CDIN1: variants seen among roughly 807,000 people sequenced by gnomAD.
CDIN1 encodes the protein CDAN1-interacting nuclease 1.
CDIN1 carries 33 observed loss-of-function variants against 45.3 expected under a neutral mutation model. That is an observed-to-expected ratio of 0.73 (90% CI 0.55 to 0.97). CDIN1 has a LOEUF of 0.97. CDIN1 is among the 50% of genes least tolerant of loss of function. CDIN1 has a pLI of 0.00. For missense variants in CDIN1, 303 were observed against 339.4 expected, an observed-to-expected ratio of 0.89 and a Z score of 0.84; for synonymous variants, 118 against 124.4, an observed-to-expected ratio of 0.95 and a Z score of 0.34.
chr15:36,722,486 C>T (rs2043460482), intron 10 of CDIN1, among the ~76,000 whole-genome samples: 2 of 152,144 alleles, frequency 1.3e-5, no homozygotes, highest in Non-Finnish European at 2.9e-5. Flanking sequence ...TGTTAGAAAG[C>T]AGCTTTCTTT....
At chr15:36,661,642 G>T (rs1010414369) in intron 5 of CDIN1, among the ~76,000 whole-genome samples, 2 of 152,082 alleles carry the variant, frequency 1.3e-5, no homozygotes, top group Non-Finnish European at 2.9e-5. Flanking sequence ...ACTTTTACAA[G>T]AATGCTAGTG....
intron 1 of CDIN1, among the ~76,000 whole-genome samples, chr15:36,640,045 C>T (rs895583118): frequency 5.3e-5 from 8 of 152,108 alleles, no homozygotes; most frequent in Non-Finnish European, 1.0e-4. Flanking sequence ...ACAGATTTTT[C>T]CCTTTTCCCC....
chr15:36,615,889 G>A (rs377628823), intron 1 of CDIN1, among the ~76,000 whole-genome samples: 1 of 152,192 alleles, frequency 6.6e-6, no homozygotes, highest in African/African-American at 2.4e-5. Flanking sequence ...CAGGTTTGAT[G>A]TAGTCATTTT....
intron 3 of CDIN1, 27 bp downstream of exon 3, chr15:36,645,314 G>A: frequency 6.7e-7 from 1 of 1,483,262 alleles, no homozygotes; most frequent in Non-Finnish European, 9.2e-7. Context: ...CCACTAGAGG[G>A]TATCATAGTA....
chr15:36,606,089 C>T (rs1038336770), intron 1 of CDIN1, among the ~76,000 whole-genome samples: 2 of 151,960 alleles, frequency 1.3e-5, no homozygotes, highest in African/African-American at 4.8e-5. Flanking sequence ...TTCTATCTGC[C>T]TCCTTCTCTC....
intron 8 of CDIN1, 91 bp from the exon 9 acceptor site, chr15:36,709,132 T>A (rs2042966724): frequency 1.8e-6 from 2 of 1,097,504 alleles, no homozygotes; most frequent in South Asian, 3.8e-5. Context: ...CAGTAGTAAT[T>A]TTTATACATA....
At chr15:36,711,315 T>G (rs780741875) in intron 10 of CDIN1, among the ~76,000 whole-genome samples, 1 of 152,170 alleles carries the variant, frequency 6.6e-6, no homozygotes, top group Non-Finnish European at 1.5e-5. Context: ...CCAGCTTTGG[T>G]ACCAGTCATA....
intron 1 of CDIN1, among the ~76,000 whole-genome samples, chr15:36,609,716 G>A (rs893665794): frequency 2.0e-5 from 3 of 152,238 alleles, no homozygotes; most frequent in African/African-American, 7.2e-5. Flanking sequence ...CAGGTAGGAG[G>A]TCTGGCTTCC....
At chr15:36,777,881 GA>G (rs1355116128) in intron 10 of CDIN1, among the ~76,000 whole-genome samples, 5 of 152,196 alleles carry the variant, frequency 3.3e-5, no homozygotes, top group Non-Finnish European at 7.3e-5. Context: ...AAAGTGCTGG[GA>G]TTATAGGCAT....
At chr15:36,647,839 ATTTTT>A (rs11288490) in intron 3 of CDIN1, among the ~76,000 whole-genome samples, 1 of 100,456 alleles carries the variant, frequency 1.0e-5, no homozygotes. Flanking sequence ...TTGTGATAGT[ATTTTT>A]TTTTTTTTTT....
chr15:36,713,736 T>G (rs977181519), intron 10 of CDIN1, among the ~76,000 whole-genome samples: 2 of 152,224 alleles, frequency 1.3e-5, no homozygotes, highest in African/African-American at 4.8e-5. Flanking sequence ...TAGACATTTT[T>G]AATTGCCTTC....
intron 5 of CDIN1, among the ~76,000 whole-genome samples, chr15:36,661,227 G>C (rs1486592648): frequency 6.6e-6 from 1 of 152,138 alleles, no homozygotes; most frequent in Admixed American, 6.5e-5. Context: ...AATGCTTTTA[G>C]ACTAGCATTG....
intron 1 of CDIN1, among the ~76,000 whole-genome samples, chr15:36,604,821 C>T (rs950777574): frequency 2.0e-5 from 3 of 152,208 alleles, no homozygotes; most frequent in East Asian, 3.9e-4. Context: ...TTACCAAGCA[C>T]AATATCTTAG....
intron 10 of CDIN1, among the ~76,000 whole-genome samples, chr15:36,750,467 G>GA (rs2053430622): frequency 6.6e-6 from 1 of 152,184 alleles, no homozygotes; most frequent in Non-Finnish European, 1.5e-5. Context: ...ATCAGCGTCA[G>GA]AGCCAGGATT....
At chr15:36,695,030 A>C (rs1313787026) in intron 7 of CDIN1, among the ~76,000 whole-genome samples, 1 of 152,204 alleles carries the variant, frequency 6.6e-6, no homozygotes, top group African/African-American at 2.4e-5. Flanking sequence ...TTCTCTTTAG[A>C]AATTTAAAAA....
intron 10 of CDIN1, among the ~76,000 whole-genome samples, chr15:36,769,093 G>A (rs1050293519): frequency 3.3e-5 from 5 of 152,138 alleles, no homozygotes; most frequent in African/African-American, 1.2e-4. Context: ...AATATTATAA[G>A]CCCCACACAC....
chr15:36,745,528 G>C (rs2044388577), intron 10 of CDIN1, among the ~76,000 whole-genome samples: 1 of 151,892 alleles, frequency 6.6e-6, no homozygotes, highest in African/African-American at 2.4e-5. Context: ...CTGTTAACTA[G>C]TCTTCTTCCT....
At chr15:36,665,230 T>C (rs1260369846) in intron 5 of CDIN1, among the ~76,000 whole-genome samples, 1 of 152,186 alleles carries the variant, frequency 6.6e-6, no homozygotes, top group East Asian at 1.9e-4. Flanking sequence ...AGTACATGCA[T>C]TGTGTGATAA....
Position 36,675,843 on chromosome 15 carries a change from T to C in CDIN1, c.347-15842T>C, listed in dbSNP as rs2041629480. Among the ~76,000 whole-genome samples the C allele has an allele frequency of 2.6e-5, 4 of 152,222 alleles. No individual in the cohort carries two copies. The South Asian group carries it at 8.3e-4, about 32-fold the overall frequency. On this transcript the variant is annotated intron_variant, in intron 5 of 10. Coordinates refer to ENST00000566621, the MANE Select transcript of CDIN1 (RefSeq NM_001321759.2). ...GAGAATCTTGAAACCGCTGCAAAAATATGTTAACCTGGTAGGATATTTTTA... is the reference window on the plus strand; with the variant it reads ...GAGAATCTTGAAACCGCTGCAAAAACATGTTAACCTGGTAGGATATTTTTA...
Sources: gnomAD v4.1 joint callset for allele counts (sites outside exome capture counted in the v4.1 genomes callset) on GRCh38, gnomAD v4.1.1 for gene constraint, MANE v1.5 for transcripts, NCBI Gene and HGNC (gene_info 2026-07-23, HGNC 2026-07-21) for gene names.